Variants in KHDRBS2 observed in about 807,000 individuals in gnomAD.
KHDRBS2 encodes KH RNA binding domain containing, signal transduction associated 2, also known as KH domain-containing, RNA-binding, signal transduction-associated protein 2.
A neutral mutation model predicts 44.3 loss-of-function variants in KHDRBS2; 26 were observed. That is an observed-to-expected ratio of 0.59 (90% CI 0.43 to 0.81). The LOEUF (loss-of-function observed/expected upper bound fraction) is 0.81, where lower values mean the gene tolerates loss of function less well. KHDRBS2 is among the 40% of genes least tolerant of loss of function. The pLI is 0.00. For synonymous variants in KHDRBS2, 194 were observed against 151.1 expected, an observed-to-expected ratio of 1.28 and a Z score of -2.08; for missense variants, 476 against 433.1, an observed-to-expected ratio of 1.10 and a Z score of -0.88.
At chr6:62,176,442 G>A (rs568543135) in intron 2 of KHDRBS2, among the ~76,000 whole-genome samples, 2 of 151,092 alleles carry the variant, frequency 1.3e-5, no homozygotes, top group Non-Finnish European at 3.0e-5. Context: ...TTCTGTAATC[G>A]TTACTATTAG....
At chr6:62,143,694 A>ATT (rs11408572) in intron 2 of KHDRBS2, among the ~76,000 whole-genome samples, 63 of 151,452 alleles carry the variant, frequency 4.2e-4, no homozygotes, top group African/African-American at 1.1e-3. Flanking sequence ...TCAGATTATT[A>ATT]TTTTTTTTCT....
At chr6:61,806,973 A>G (rs1787264447) in intron 6 of KHDRBS2, among the ~76,000 whole-genome samples, 1 of 152,124 alleles carries the variant, frequency 6.6e-6, no homozygotes, top group Admixed American at 6.6e-5. Context: ...TGAAAAGTCT[A>G]CATTACCTTG....
At chr6:61,926,603 A>G (rs1809019436) in intron 4 of KHDRBS2, among the ~76,000 whole-genome samples, 1 of 152,170 alleles carries the variant, frequency 6.6e-6, no homozygotes, top group Non-Finnish European at 1.5e-5. Context: ...GGGCTGCAGC[A>G]AACTGGAATA....
At chr6:61,684,729 G>T (rs1766643006) in intron 8 of KHDRBS2, among the ~76,000 whole-genome samples, 3 of 151,750 alleles carry the variant, frequency 2.0e-5, no homozygotes, top group African/African-American at 4.8e-5. Context: ...CTCAAAAAAG[G>T]TACCAAATAA....
At chr6:62,077,989 T>A (rs1264439849) in intron 2 of KHDRBS2, among the ~76,000 whole-genome samples, 3 of 152,040 alleles carry the variant, frequency 2.0e-5, no homozygotes, top group African/African-American at 7.2e-5. Flanking sequence ...GGAAAAGGCA[T>A]CATACCATAC....
chr6:61,844,954 G>T (rs1178528153), intron 6 of KHDRBS2, among the ~76,000 whole-genome samples: 1 of 152,070 alleles, frequency 6.6e-6, no homozygotes, highest in Non-Finnish European at 1.5e-5. Context: ...GCTCACTTTG[G>T]AAATTGTATC....
At chr6:61,570,405 G>T in the KHDRBS2 span, among the ~76,000 whole-genome samples, 29 of 151,968 alleles carry the variant, frequency 1.9e-4, no homozygotes, top group African/African-American at 6.3e-4. Context: ...AAGCCTCCAA[G>T]AAATTTTGGA....
intron 2 of KHDRBS2, among the ~76,000 whole-genome samples, chr6:62,089,486 C>T (rs1799088741): frequency 6.6e-6 from 1 of 152,082 alleles, no homozygotes; most frequent in African/African-American, 2.4e-5. Context: ...AGAAGGAGTT[C>T]CCTGACCCCT....
chr6:62,218,662 T>C (rs1231984963), intron 1 of KHDRBS2, among the ~76,000 whole-genome samples: 2 of 151,774 alleles, frequency 1.3e-5, no homozygotes, highest in South Asian at 2.1e-4. Flanking sequence ...AAACTAGCAA[T>C]CTCAACATGG....
intron 3 of KHDRBS2, among the ~76,000 whole-genome samples, chr6:62,018,851 C>A (rs1031669920): frequency 6.6e-6 from 1 of 152,124 alleles, no homozygotes; most frequent in African/African-American, 2.4e-5. Flanking sequence ...ACTTACTTTA[C>A]TATTATCTAA....
intron 6 of KHDRBS2, among the ~76,000 whole-genome samples, chr6:61,834,966 A>G (rs181200467): frequency 1.7e-4 from 26 of 152,222 alleles, no homozygotes; most frequent in Admixed American, 1.6e-3. Flanking sequence ...TCTTTCAAAC[A>G]TTAAATTCCC....
chr6:61,913,163 C>A (rs1292287624), intron 4 of KHDRBS2, among the ~76,000 whole-genome samples: 1 of 152,028 alleles, frequency 6.6e-6, no homozygotes, highest in Non-Finnish European at 1.5e-5. Context: ...TTGTATAAGG[C>A]CATTTATATA....
At chr6:62,278,427 A>AC (rs1202793817) in intron 1 of KHDRBS2, among the ~76,000 whole-genome samples, 1 of 152,184 alleles carries the variant, frequency 6.6e-6, no homozygotes, top group Non-Finnish European at 1.5e-5. Flanking sequence ...ATTCTCAGGT[A>AC]CCAGGCCATA....
chr6:61,574,422 C>T, the KHDRBS2 span: 8 of 1,502,576 alleles, frequency 5.3e-6, no homozygotes, highest in South Asian at 9.7e-5. Context: ...ACGAGAAGAC[C>T]ATATGGAGCT....
chr6:61,667,403 C>A, the KHDRBS2 span, among the ~76,000 whole-genome samples: 408 of 150,708 alleles, frequency 2.7e-3, 5 homozygotes, highest in Middle Eastern at 0.014. Flanking sequence ...TGCAATTTAT[C>A]AAAAATCATA....
chr6:61,657,547 G>T, the KHDRBS2 span, among the ~76,000 whole-genome samples: 1 of 151,898 alleles, frequency 6.6e-6, no homozygotes, highest in East Asian at 1.9e-4. Flanking sequence ...TGCCTTTAAA[G>T]CTCCATTAAC....
At chr6:62,007,327 C>A (rs114431666) in intron 3 of KHDRBS2, among the ~76,000 whole-genome samples, 33 of 151,810 alleles carry the variant, frequency 2.2e-4, no homozygotes, top group African/African-American at 7.5e-4. Context: ...GTTCTGAGGA[C>A]CTTTACTCTG....
chr6:62,040,316 C>T lies in KHDRBS2; in HGVS notation c.336+7562G>A, dbSNP rs1471058834. ...TGCGCTTATCGCCATTAGAAGGCAG[C>T]AGAAATGCAAAAAGAGAATTTTACA... is the stretch of plus-strand genomic sequence containing the variant. On this transcript the variant is annotated intron_variant, in intron 3 of 8. Transcript: ENST00000281156. Among the ~76,000 whole-genome samples, 7 of 152,062 alleles carry T rather than the reference C, an allele frequency of 4.6e-5. No individual in the cohort carries two copies. In the South Asian group the frequency reaches 1.5e-3, roughly 32 times the overall value.
Position 62,136,641 on chromosome 6 carries a change from A to T in KHDRBS2, c.219+40544T>A, listed in dbSNP as rs114002284. Among the ~76,000 whole-genome samples the T allele has an allele frequency of 3.8e-3, 585 of 152,340 alleles. 2 individuals carry two copies. Among genetic ancestry groups the T allele is most frequent in the African/African-American group, 0.014 (566 of 41,570 alleles). On this transcript the variant is annotated intron_variant, in intron 2 of 8. Transcript: ENST00000281156. ...TTTTTCTCTTCTATGAAAATAACAC[A>T]AGAAAATCAATTACAATGTAAGAAT...
Sources: allele counts gnomAD v4.1 joint callset (sites outside exome capture counted in the v4.1 genomes callset), GRCh38; gene constraint gnomAD v4.1.1; transcripts MANE v1.5; gene names NCBI Gene and HGNC (gene_info 2026-07-23, HGNC 2026-07-21).